Variants in KIF26B observed in about 807,000 individuals in gnomAD.
The protein encoded by KIF26B is kinesin-like protein KIF26B.
A neutral mutation model predicts 151.2 loss-of-function variants in KIF26B; 63 were observed. The observed-to-expected ratio is 0.42, with a 90% CI of 0.34 to 0.51. The LOEUF is 0.51. Ranked by LOEUF, KIF26B falls within the 20% of genes least tolerant of loss-of-function variation. The pLI is 0.07. For missense variants in KIF26B, 2,813 were observed against 2,913.6 expected, an observed-to-expected ratio of 0.97 and a Z score of 0.79; for synonymous variants, 1,357 against 1,262.1, an observed-to-expected ratio of 1.08 and a Z score of -1.59.
rs545073635 is a variant in KIF26B at position 245,563,252 on chromosome 1, C to T, written c.1350+22302C>T. Reference sequence around the variant, plus strand: ...GATGTAAAATCCCCCATTTTATCACCGAACAACCTGTTTCCACCCATTTCC... The same window carrying T: ...GATGTAAAATCCCCCATTTTATCACTGAACAACCTGTTTCCACCCATTTCC... On this transcript the variant is annotated intron_variant, in intron 5 of 14. Coordinates refer to ENST00000407071, the MANE Select transcript of KIF26B (RefSeq NM_018012.4). The surrounding 1 kb of genome is among the most constrained non-coding windows in gnomAD (Gnocchi z 4.6). 1.8e-4 allele frequency among the ~76,000 whole-genome samples: 27 copies of T among 152,258 alleles called. No individual in the cohort carries two copies. Among genetic ancestry groups the T allele is most frequent in the African/African-American group, 5.8e-4 (24 of 41,542 alleles).
intron 4 of KIF26B, among the ~76,000 whole-genome samples, chr1:245,522,136 T>C (rs964152534): frequency 1.3e-5 from 2 of 152,192 alleles, no homozygotes; most frequent in Non-Finnish European, 2.9e-5. Context: ...CCCAAAGTGC[T>C]GGGATTACAG....
At chr1:245,523,426 A>C (rs1207912366) in intron 4 of KIF26B, among the ~76,000 whole-genome samples, 2 of 152,250 alleles carry the variant, frequency 1.3e-5, no homozygotes, top group Non-Finnish European at 2.9e-5. Context: ...GATAATCTAG[A>C]ATCACAGACA....
intron 9 of KIF26B, among the ~76,000 whole-genome samples, chr1:245,635,753 A>T (rs1179657423): frequency 6.6e-6 from 1 of 151,988 alleles, no homozygotes; most frequent in Non-Finnish European, 1.5e-5. Flanking sequence ...GCTTTCTGAT[A>T]TAGGCATTTA....
intron 3 of KIF26B, among the ~76,000 whole-genome samples, chr1:245,411,979 G>A (rs1674298120): frequency 6.6e-6 from 1 of 152,102 alleles, no homozygotes; most frequent in Non-Finnish European, 1.5e-5. Flanking sequence ...TTTGATCCGG[G>A]CGTGCATTGT....
intron 2 of KIF26B, among the ~76,000 whole-genome samples, chr1:245,354,856 C>A (rs191017308): frequency 2.6e-5 from 4 of 152,216 alleles, no homozygotes; most frequent in Non-Finnish European, 5.9e-5. Context: ...GAGGAGAGCA[C>A]CTAGGCCCGG....
intron 3 of KIF26B, among the ~76,000 whole-genome samples, chr1:245,396,509 G>A (rs781186349): frequency 1.1e-4 from 16 of 152,110 alleles, no homozygotes; most frequent in Non-Finnish European, 1.6e-4. Context: ...GGTGACAGGC[G>A]CCTGTAATCC....
intron 4 of KIF26B, among the ~76,000 whole-genome samples, chr1:245,441,406 C>T (rs893389336): frequency 4.6e-5 from 7 of 152,118 alleles, no homozygotes. Flanking sequence ...CCCAAGATAT[C>T]TGTACCTCAG....
intron 12 of KIF26B, among the ~76,000 whole-genome samples, chr1:245,697,510 C>T (rs1285737902): frequency 6.6e-6 from 1 of 152,138 alleles, no homozygotes; most frequent in East Asian, 1.9e-4. Flanking sequence ...GACCTTTTGA[C>T]CTATCCATGC....
intron 2 of KIF26B, among the ~76,000 whole-genome samples, chr1:245,266,358 C>A (rs1670745916): frequency 6.6e-6 from 1 of 152,144 alleles, no homozygotes; most frequent in South Asian, 2.1e-4. Context: ...TGTAATTTGG[C>A]ACAACTTTTG....
intron 10 of KIF26B, among the ~76,000 whole-genome samples, chr1:245,674,937 C>T (rs1264757780): frequency 6.6e-6 from 1 of 152,168 alleles, no homozygotes; most frequent in Non-Finnish European, 1.5e-5. Flanking sequence ...AGAAAGAGCC[C>T]ACCCAAGACC....
At chr1:245,302,982 C>CT (rs1441546349) in intron 2 of KIF26B, among the ~76,000 whole-genome samples, 1 of 67,378 alleles carries the variant, frequency 1.5e-5, no homozygotes, top group Non-Finnish European at 2.4e-5. Flanking sequence ...GAGCAAGACT[C>CT]TGTCTCAAAA....
intron 4 of KIF26B, among the ~76,000 whole-genome samples, chr1:245,467,033 C>T (rs1374233943): frequency 1.3e-5 from 2 of 152,176 alleles, no homozygotes; most frequent in Non-Finnish European, 2.9e-5. Context: ...TTTTTGCATT[C>T]AGCTAGATAA....
At chr1:245,543,650 T>G (rs1235683631) in intron 5 of KIF26B, among the ~76,000 whole-genome samples, 1 of 152,088 alleles carries the variant, frequency 6.6e-6, no homozygotes, top group Non-Finnish European at 1.5e-5. Context: ...ATGTGTACCA[T>G]GATTGGAACA....
rs542571207 is a variant in KIF26B at position 245,482,295 on chromosome 1, G to T, written c.1167-58472G>T. ...TTAGTAGACGGGGTTTCACCATATT[G>T]TCCAAGGTGGTCTCGAACTCCTGAC... On this transcript the variant is annotated intron_variant, in intron 4 of 14. Transcript: ENST00000407071. Among the ~76,000 whole-genome samples the T allele has an allele frequency of 4.7e-4, 71 of 151,428 alleles. 1 individual carries two copies. The highest frequency in any genetic ancestry group is 8.9e-4 in the Non-Finnish European group (60 of 67,688).
intron 2 of KIF26B, among the ~76,000 whole-genome samples, chr1:245,293,909 G>A (rs564389513): frequency 6.6e-6 from 1 of 152,312 alleles, no homozygotes; most frequent in South Asian, 2.1e-4. Context: ...TTAGGAAAAT[G>A]TATAAAATGG....
intron 12 of KIF26B, among the ~76,000 whole-genome samples, chr1:245,692,121 C>T (rs1201111160): frequency 5.3e-5 from 8 of 152,274 alleles, no homozygotes; most frequent in Non-Finnish European, 4.4e-5. Context: ...ATGTCTTTTC[C>T]TTAGAGCAAT....
chr1:245,199,686 T>C (rs1343857241), intron 2 of KIF26B, among the ~76,000 whole-genome samples: 1 of 152,172 alleles, frequency 6.6e-6, no homozygotes, highest in Non-Finnish European at 1.5e-5. Flanking sequence ...TTTCACCATG[T>C]TGGCCAGGCT....
At position 245,578,689 on chromosome 1, in the gene KIF26B, G is replaced by T. The variant is rs147565821; in HGVS notation, c.1351-23888G>T. ...GTGTTTCCCTTGTATAAAGGTAAAAGAATTCTGTTACTGGGGCTGTGGATG... is the reference window on the plus strand; with the variant it reads ...GTGTTTCCCTTGTATAAAGGTAAAATAATTCTGTTACTGGGGCTGTGGATG... On this transcript the variant is annotated intron_variant, in intron 5 of 14. Transcript: ENST00000407071. Among the ~76,000 whole-genome samples, 771 of 152,338 alleles carry T rather than the reference G, an allele frequency of 5.1e-3. 7 individuals are homozygous for T. Among genetic ancestry groups the T allele is most frequent in the African/African-American group, 0.018 (736 of 41,576 alleles).
At chr1:245,250,930 T>C (rs569167941) in intron 2 of KIF26B, among the ~76,000 whole-genome samples, 6 of 152,292 alleles carry the variant, frequency 3.9e-5, no homozygotes, top group Admixed American at 3.3e-4. Flanking sequence ...CAAAGACTTA[T>C]TACAGTAAAA....
Sources: gnomAD v4.1 joint callset for allele counts (sites outside exome capture counted in the v4.1 genomes callset) on GRCh38, gnomAD v4.1.1 for gene constraint, Gnocchi (gnomAD v3.1) non-coding constraint, MANE v1.5 for transcripts, NCBI Gene and HGNC (gene_info 2026-07-23, HGNC 2026-07-21) for gene names.